The following NELL2 variants were observed in gnomAD, a reference collection of about 807,000 sequenced individuals.
NELL2 encodes the protein neural EGFL like 2.
A neutral mutation model predicts 109.6 loss-of-function variants in NELL2; 41 were observed. The observed-to-expected ratio is 0.37, with a 90% CI of 0.29 to 0.49. The LOEUF (loss-of-function observed/expected upper bound fraction) is 0.49, where lower values mean the gene tolerates loss of function less well. NELL2 is among the 20% of genes least tolerant of loss of function. NELL2 has a pLI of 0.98. For synonymous variants in NELL2, 355 were observed against 344.7 expected (o/e 1.03, Z -0.33); for missense variants, 900 against 1,008.3 (o/e 0.89, Z 1.45).
At chr12:44,790,932 T>C (rs1239032719) in intron 3 of NELL2, among the ~76,000 whole-genome samples, 5 of 149,934 alleles carry the variant, frequency 3.3e-5, no homozygotes, top group African/African-American at 4.9e-5. Flanking sequence ...CATTATATAA[T>C]GGTAAAAGGC....
At chr12:44,577,890 T>A (rs1944170288) in intron 15 of NELL2, among the ~76,000 whole-genome samples, 1 of 152,176 alleles carries the variant, frequency 6.6e-6, no homozygotes, top group Non-Finnish European at 1.5e-5. Flanking sequence ...AATTCTAACT[T>A]GCATTTTTGA....
chr12:44,893,418 T>C (rs1311857672), intron 1 of NELL2, among the ~76,000 whole-genome samples: 1 of 152,246 alleles, frequency 6.6e-6, no homozygotes, highest in Non-Finnish European at 1.5e-5. Flanking sequence ...TAGAAATATA[T>C]GTATAATCAC....
chr12:44,725,802 G>C (rs1939045952), intron 9 of NELL2, among the ~76,000 whole-genome samples: 1 of 152,040 alleles, frequency 6.6e-6, no homozygotes, highest in Non-Finnish European at 1.5e-5. Context: ...TAAACGATAA[G>C]AACTTATGAA....
Position 44,617,544 on chromosome 12 carries a change from T to C in NELL2, c.1445-6574A>G, listed in dbSNP as rs1019359556. On this transcript the variant is annotated intron_variant, in intron 13 of 19. Coordinates refer to ENST00000429094, the MANE Select transcript of NELL2 (RefSeq NM_001145108.2). Reference sequence around the variant, plus strand: ...CTACTAAAAACACACACAAAAAAATTAGCCGGGCGTAGTGGCGGGCGCCTG... The same window carrying C: ...CTACTAAAAACACACACAAAAAAATCAGCCGGGCGTAGTGGCGGGCGCCTG... 1.3e-4 allele frequency among the ~76,000 whole-genome samples: 18 copies of C among 134,756 alleles called. 2 individuals carry two copies. Among genetic ancestry groups the C allele is most frequent in the Non-Finnish European group, 2.1e-4 (14 of 65,150 alleles). 88.4% of individuals were successfully genotyped at this position (134,756 alleles called of 152,430 possible).
rs142460303 is a variant in NELL2 at position 44,711,003 on chromosome 12, C to T, written c.1189+289G>A. ...TGTTGTGTAACTTTCTTTAGCAAAG[C>T]TGTACTGACTCCAAACCAGCACACA... On this transcript the variant is annotated intron_variant, in intron 11 of 19. Transcript: ENST00000429094. Among the ~76,000 whole-genome samples the T allele has an allele frequency of 1.1e-3, 171 of 152,206 alleles. 1 individual carries two copies. The highest frequency in any genetic ancestry group is 3.8e-3 in the African/African-American group (156 of 41,560).
chr12:44,818,497 A>T (rs1021973120), intron 2 of NELL2, among the ~76,000 whole-genome samples: 1 of 152,156 alleles, frequency 6.6e-6, no homozygotes, highest in East Asian at 1.9e-4. Context: ...AGGTTCAAGG[A>T]TGTGGCCCAA....
intron 1 of NELL2, among the ~76,000 whole-genome samples, chr12:44,911,583 G>T (rs550981083): frequency 1.1e-4 from 17 of 151,812 alleles, no homozygotes; most frequent in Non-Finnish European, 1.5e-4. Context: ...ATCTGGTTTT[G>T]GTGAATATAT....
At chr12:44,782,794 A>T (rs1376477285) in intron 3 of NELL2, among the ~76,000 whole-genome samples, 1 of 152,042 alleles carries the variant, frequency 6.6e-6, no homozygotes, top group African/African-American at 2.4e-5. Flanking sequence ...ATCCACAATT[A>T]CAGTTGCAGA....
intron 12 of NELL2, among the ~76,000 whole-genome samples, chr12:44,671,481 A>T (rs926045373): frequency 1.3e-5 from 2 of 152,272 alleles, no homozygotes; most frequent in East Asian, 3.9e-4. Flanking sequence ...AATACAAAGA[A>T]TTAACAAAAT....
intron 15 of NELL2, among the ~76,000 whole-genome samples, chr12:44,583,677 C>A (rs1013133975): frequency 6.6e-6 from 1 of 152,104 alleles, no homozygotes; most frequent in African/African-American, 2.4e-5. Flanking sequence ...AGGAAACATA[C>A]GAAATGAACA....
At chr12:44,686,039 A>G (rs1053963904) in intron 12 of NELL2, among the ~76,000 whole-genome samples, 1 of 152,076 alleles carries the variant, frequency 6.6e-6, no homozygotes, top group Non-Finnish European at 1.5e-5. Context: ...TCTCTCCATT[A>G]CTTTCAGGTA....
At chr12:44,661,504 G>A (rs548853865) in intron 13 of NELL2, among the ~76,000 whole-genome samples, 164 of 152,172 alleles carry the variant, frequency 1.1e-3, no homozygotes, top group African/African-American at 3.7e-3. Context: ...ATTCACCACC[G>A]GTAACTCGAA....
intron 13 of NELL2, among the ~76,000 whole-genome samples, chr12:44,637,358 T>C (rs1263180432): frequency 6.6e-6 from 1 of 150,772 alleles, no homozygotes; most frequent in Non-Finnish European, 1.5e-5. Flanking sequence ...CTACCCTATA[T>C]GAGGCACTAT....
chr12:44,696,899 A>C (rs1331782806), intron 12 of NELL2, among the ~76,000 whole-genome samples: 3 of 152,252 alleles, frequency 2.0e-5, no homozygotes, highest in Non-Finnish European at 4.4e-5. Context: ...AAGTATACAC[A>C]GATACATATA....
At chr12:44,824,466 T>C (rs192984168) in intron 2 of NELL2, among the ~76,000 whole-genome samples, 8 of 152,254 alleles carry the variant, frequency 5.3e-5, no homozygotes, top group Non-Finnish European at 7.4e-5. Flanking sequence ...CTTATGCATG[T>C]GGATATCCAG....
intron 13 of NELL2, among the ~76,000 whole-genome samples, chr12:44,619,835 A>C (rs547578171): frequency 2.0e-5 from 3 of 152,290 alleles, no homozygotes; most frequent in African/African-American, 7.2e-5. Flanking sequence ...TAAGGCAGGA[A>C]CCATGTCTCA....
chr12:44,857,749 G>C (rs1944724647), intron 2 of NELL2, among the ~76,000 whole-genome samples: 1 of 152,152 alleles, frequency 6.6e-6, no homozygotes, highest in Non-Finnish European at 1.5e-5. Context: ...TTTTCTCAAT[G>C]CTCCCCAACT....
chr12:44,613,460 A>G (rs1945701165), intron 13 of NELL2, among the ~76,000 whole-genome samples: 3 of 152,162 alleles, frequency 2.0e-5, no homozygotes, highest in African/African-American at 7.2e-5. Context: ...ATTGTAGACT[A>G]CATGCCAAAC....
At chr12:44,547,877 A>G (rs144897428) in intron 15 of NELL2, among the ~76,000 whole-genome samples, 157 of 152,298 alleles carry the variant, frequency 1.0e-3, no homozygotes, top group African/African-American at 3.4e-3. Context: ...CACCGAAAGT[A>G]TATTTTCAAG....
Sources: gnomAD v4.1 joint callset for allele counts (sites outside exome capture counted in the v4.1 genomes callset) on GRCh38, gnomAD v4.1.1 for gene constraint, MANE v1.5 for transcripts, NCBI Gene and HGNC (gene_info 2026-07-23, HGNC 2026-07-21) for gene names.